Variants in RUNX3 observed in about 807,000 individuals in gnomAD.
RUNX3 encodes the protein RUNX family transcription factor 3, also known as runt-related transcription factor 3.
A neutral mutation model predicts 27.7 loss-of-function variants in RUNX3; 10 were observed. That is an observed-to-expected ratio of 0.36 (90% CI 0.22 to 0.61). The LOEUF is 0.61. RUNX3 is among the 20% of genes least tolerant of loss of function. The pLI is 0.72. For synonymous variants in RUNX3, 270 were observed against 269.2 expected, an observed-to-expected ratio of 1.00 and a Z score of -0.03; for missense variants, 469 against 629.5, an observed-to-expected ratio of 0.75 and a Z score of 2.73.
At chr1:24,955,932 C>T (rs937064014) in intron 2 of RUNX3, among the ~76,000 whole-genome samples, 2 of 152,270 alleles carry the variant, frequency 1.3e-5, no homozygotes, top group African/African-American at 4.8e-5. Flanking sequence ...TCAGCAGCAA[C>T]CAATTCGCCC....
intron 2 of RUNX3, among the ~76,000 whole-genome samples, chr1:24,954,761 G>C (rs1641871435): frequency 6.6e-6 from 1 of 152,234 alleles, no homozygotes; most frequent in South Asian, 2.1e-4. Flanking sequence ...CTGCTCAGGT[G>C]TGTGTCTAGA....
At chr1:24,963,920 C>T (rs971874507) in intron 2 of RUNX3, among the ~76,000 whole-genome samples, 1 of 152,218 alleles carries the variant, frequency 6.6e-6, no homozygotes, top group African/African-American at 2.4e-5. Flanking sequence ...GCCAAATCCA[C>T]GAACTTTCTC....
rs145879481 is a variant in RUNX3 at position 24,904,424 on chromosome 1, C to T, written c.704-1758G>A. On this transcript the variant is annotated intron_variant, in intron 4 of 4. Coordinates refer to ENST00000308873, the MANE Select transcript of RUNX3 (RefSeq NM_004350.3). The surrounding 1 kb of genome is among the most constrained non-coding windows in gnomAD (Gnocchi z 5.7). Reference sequence around the variant, plus strand: ...GATGTGGGGACAGCAGTCTGGGTGGCGGGGGCCTTCTGGGACATCTGGGAT... The same window carrying T: ...GATGTGGGGACAGCAGTCTGGGTGGTGGGGGCCTTCTGGGACATCTGGGAT... 7.9e-5 allele frequency among the ~76,000 whole-genome samples: 12 copies of T among 152,276 alleles called. 1 individual carries two copies. The highest frequency in any genetic ancestry group is 1.9e-4 in the African/African-American group (8 of 41,560).
Position 24,902,412 on chromosome 1 carries a change from T to C in RUNX3, c.958A>G (p.Ser320Gly). ...PPYPGAPQNQ[S>G]GPFQANPSPY... ...GACGGGTTGGCCTGGAAGGGCCCGC[T>C]CTGGTTCTGCGGGGCCCCCGGGTAG... Residue 320 changes from serine (S) to glycine (G), a missense_variant, in exon 5 of 5, where the codon AGC (serine) becomes GGC (glycine). This residue lies in a region of RUNX3 where 279 missense variants were observed against 343.0 expected (regional missense o/e 0.81). Transcript: ENST00000308873. The surrounding 1 kb of genome is among the most constrained non-coding windows in gnomAD (Gnocchi z 9.2). 6.2e-7 allele frequency: 1 copy of C among 1,612,468 alleles called. No individual in the cohort carries two copies.
At chr1:24,955,725 A>G (rs1641901401) in intron 2 of RUNX3, among the ~76,000 whole-genome samples, 1 of 152,124 alleles carries the variant, frequency 6.6e-6, no homozygotes, top group African/African-American at 2.4e-5. Context: ...CAGTTTCCCC[A>G]TCTATAAATG....
intron 2 of RUNX3, among the ~76,000 whole-genome samples, chr1:24,944,359 C>A (rs1013499051): frequency 6.6e-6 from 1 of 152,178 alleles, no homozygotes; most frequent in Non-Finnish European, 1.5e-5. Flanking sequence ...AAACCCTTCC[C>A]ATTCTGTCTG....
chr1:24,939,190 G>T lies in RUNX3; in HGVS notation c.59-9338C>A, dbSNP rs148525958. Among the ~76,000 whole-genome samples, 1,175 of 152,224 alleles carry T rather than the reference G, an allele frequency of 7.7e-3. 19 individuals are homozygous for T. The highest frequency in any genetic ancestry group is 0.026 in the African/African-American group (1,093 of 41,512). ...AAAGTCTCCACTGGACCCTGGGCACGCAGAGTGCACACACACACGCACACA... is the reference window on the plus strand; with the variant it reads ...AAAGTCTCCACTGGACCCTGGGCACTCAGAGTGCACACACACACGCACACA... On this transcript the variant is annotated intron_variant, in intron 2 of 6. Transcript: ENST00000338888.
At chr1:24,956,923 A>G (rs1641947970) in intron 2 of RUNX3, among the ~76,000 whole-genome samples, 1 of 152,236 alleles carries the variant, frequency 6.6e-6, no homozygotes, top group Non-Finnish European at 1.5e-5. Context: ...AACAAAGGCC[A>G]AGGAATCAGG....
intron 4 of RUNX3, among the ~76,000 whole-genome samples, chr1:24,903,881 T>C (rs998534771): frequency 3.3e-5 from 5 of 152,222 alleles, no homozygotes; most frequent in African/African-American, 1.2e-4. Context: ...AGTTTCCCCA[T>C]ATAAAACATG....
rs1642144543 is a variant in RUNX3, at chr1:24,962,589, G to A, written c.58+1925C>T. Among the ~76,000 whole-genome samples, 1 of 152,226 alleles carries A rather than the reference G, an allele frequency of 6.6e-6. No homozygotes were observed. On this transcript the variant is annotated intron_variant, in intron 2 of 6. Coordinates refer to the RUNX3 transcript ENST00000338888. The surrounding 1 kb of genome is among the most constrained non-coding windows in gnomAD (Gnocchi z 4.5). Reference sequence around the variant, plus strand: ...AGGAGAGAGAAGGCTGAAGAGGGGAGACAGGTCTCCACAAAAGTGGAGGGA... The same window carrying A: ...AGGAGAGAGAAGGCTGAAGAGGGGAAACAGGTCTCCACAAAAGTGGAGGGA...
At chr1:24,914,212 C>A (rs546086606) in intron 3 of RUNX3, among the ~76,000 whole-genome samples, 2 of 152,208 alleles carry the variant, frequency 1.3e-5, no homozygotes, top group Non-Finnish European at 2.9e-5. Context: ...AAAGCAGAGT[C>A]GGGCAGGGCC....
intron 4 of RUNX3, among the ~76,000 whole-genome samples, 164 bp downstream of exon 4, chr1:24,907,095 C>G (rs942242228): frequency 6.6e-6 from 1 of 152,242 alleles, no homozygotes; most frequent in African/African-American, 2.4e-5. Context: ...AGAAAGCCCA[C>G]AGGAACCGTC....
At chr1:24,951,220 A>AT (rs1004863578) in intron 2 of RUNX3, among the ~76,000 whole-genome samples, 24 of 150,938 alleles carry the variant, frequency 1.6e-4, no homozygotes, top group African/African-American at 4.6e-4. Flanking sequence ...AAAAAAAAAA[A>AT]AAATAAGGCA....
chr1:24,940,279 C>T (rs1641446421), intron 2 of RUNX3, among the ~76,000 whole-genome samples: 1 of 152,298 alleles, frequency 6.6e-6, no homozygotes, highest in Non-Finnish European at 1.5e-5. Flanking sequence ...GGACCAGATA[C>T]TAGTGTCTCA....
At chr1:24,908,499 AAAAG>A (rs1640730811) in intron 3 of RUNX3, among the ~76,000 whole-genome samples, 1 of 152,096 alleles carries the variant, frequency 6.6e-6, no homozygotes, top group African/African-American at 2.4e-5. Flanking sequence ...TTAAAAAAAA[AAAAG>A]AAAAAAGAAA....
intron 2 of RUNX3, among the ~76,000 whole-genome samples, chr1:24,944,906 T>C (rs909481461): frequency 2.6e-5 from 4 of 152,212 alleles, no homozygotes; most frequent in Non-Finnish European, 5.9e-5. Flanking sequence ...AGATTATAAA[T>C]GCATGTTTTT....
intron 1 of RUNX3, chr1:24,928,935 T>TA: frequency 2.4e-6 from 1 of 415,890 alleles, no homozygotes; most frequent in Non-Finnish European, 4.8e-6. Flanking sequence ...GCTGCCCCCT[T>TA]AAAAAAATGA....
chr1:24,902,463 A>T lies in RUNX3; in HGVS notation c.907T>A (p.Phe303Ile). The change falls in exon 5 of 5, where the codon TTC becomes ATC. Residue 303 changes from phenylalanine to isoleucine, a missense_variant. Physicochemically the swap from Phe to Ile is conservative, Grantham distance 21 (BLOSUM62 0). Coordinates refer to ENST00000308873, the MANE Select transcript of RUNX3 (RefSeq NM_004350.3). This position sits in a 1 kb window ranked among gnomAD's most constrained non-coding sequence, Gnocchi z 9.2. Reference protein sequence around the residue: ...SVAGMPATSRFHHTYLPPPYP... With the variant: ...SVAGMPATSRIHHTYLPPPYP... ...GGTGGCGGGAGGTAGGTATGGTGGA[A>T]GCGGCTGGTGGCCGGCATGCCCGCC... 6.2e-7 allele frequency: 1 copy of T among 1,601,528 alleles called. No individual in the cohort carries two copies. The highest frequency in any genetic ancestry group is 1.1e-5 in the South Asian group (1 of 90,866).
At chr1:24,919,532 C>CA in intron 2 of RUNX3, 188 bp from the exon 3 acceptor site, 1 of 500,704 alleles carries the variant, frequency 2.0e-6, no homozygotes, top group South Asian at 2.4e-5. Context: ...TTCAAGGCCC[C>CA]TGGGGGTCTG....
Sources: gnomAD v4.1 joint callset for allele counts (sites outside exome capture counted in the v4.1 genomes callset) on GRCh38, gnomAD v4.1.1 for gene constraint, gnomAD v4.1.1 regional missense constraint, Gnocchi (gnomAD v3.1) non-coding constraint, MANE v1.5 for transcripts, NCBI Gene and HGNC (gene_info 2026-07-23, HGNC 2026-07-21) for gene names.